Variants in SPICE1 observed in about 807,000 individuals in gnomAD.
SPICE1 encodes spindle and centriole associated protein 1.
A neutral mutation model predicts 102.7 loss-of-function variants in SPICE1; 75 were observed. The observed-to-expected ratio is 0.73, with a 90% CI of 0.61 to 0.88. The LOEUF is 0.88. Among genes scored for constraint, SPICE1 ranks in the 40% least tolerant of loss-of-function variants. The pLI is 0.00. For synonymous variants in SPICE1, 308 were observed against 350.3 expected (o/e 0.88, Z 1.35); for missense variants, 979 against 1,020.1 (o/e 0.96, Z 0.55).
At chr3:113,467,951 T>C (rs971159262) in intron 10 of SPICE1, among the ~76,000 whole-genome samples, 188 bp downstream of exon 10, 1 of 152,250 alleles carries the variant, frequency 6.6e-6, no homozygotes, top group Non-Finnish European at 1.5e-5. Context: ...TATCTGAGCA[T>C]GTATCAACTA....
rs751066283 is a variant in SPICE1 at position 113,488,958 on chromosome 3, T to C, written c.598A>G (p.Thr200Ala). ...ATATACACATACCTGTCTGTATTCG[T>C]GTTAGACTGAGAGTTTAGAGAGTTA... ...LDNSLNSQSN[T>A]NTDRFLQQLT... Residue 200 changes from threonine (T) to alanine (A), a missense_variant, in exon 7 of 18, where the codon ACG (threonine) becomes GCG (alanine). By Grantham distance (58) the Thr-to-Ala change is moderately conservative (BLOSUM62 0). Transcript: ENST00000295872. 6.2e-7 allele frequency: 1 copy of C among 1,607,326 alleles called. No homozygotes were observed. Among genetic ancestry groups the C allele is most frequent in the South Asian group, 1.1e-5 (1 of 90,952 alleles).
intron 3 of SPICE1, among the ~76,000 whole-genome samples, chr3:113,500,313 A>T (rs7623919): frequency 6.6e-6 from 1 of 152,014 alleles, no homozygotes; most frequent in Non-Finnish European, 1.5e-5. Flanking sequence ...AAAATGTACT[A>T]CTGAGTTTTC....
At chr3:113,481,011 GGA>G (rs1936486804) in intron 7 of SPICE1, among the ~76,000 whole-genome samples, 1 of 146,604 alleles carries the variant, frequency 6.8e-6, no homozygotes, top group Non-Finnish European at 1.5e-5. Context: ...AACAAGGCAA[GGA>G]TCCCCACTAT....
rs1438486794 is a variant in SPICE1, at chr3:113,477,015, A to T, written c.612-7777T>A. 2.0e-5 allele frequency among the ~76,000 whole-genome samples: 3 copies of T among 152,290 alleles called. No individual in the cohort carries two copies. The East Asian group carries it at 5.8e-4, about 29-fold the overall frequency. On this transcript the variant is annotated intron_variant, in intron 7 of 17. Coordinates refer to ENST00000295872, the MANE Select transcript of SPICE1 (RefSeq NM_144718.4). The stretch of plus-strand genomic sequence containing the variant: ...AACAGGCAACCTACAAAATGGGAGA[A>T]AATTTTCGCAACCTACTCATCTGAC...
At chr3:113,507,176 T>A (rs186586765) in intron 1 of SPICE1, among the ~76,000 whole-genome samples, 1 of 152,308 alleles carries the variant, frequency 6.6e-6, no homozygotes, top group Admixed American at 6.5e-5. Flanking sequence ...TTTTTTCTAT[T>A]GCTGATAAAC....
At chr3:113,476,887 T>C (rs1342205494) in intron 7 of SPICE1, among the ~76,000 whole-genome samples, 1 of 152,098 alleles carries the variant, frequency 6.6e-6, no homozygotes, top group Non-Finnish European at 1.5e-5. Flanking sequence ...AAGGACTTCA[T>C]GTCTAAAACA....
chr3:113,514,281 C>T (rs1937280677), intron 1 of SPICE1: 2 of 204,454 alleles, frequency 9.8e-6, no homozygotes, highest in Non-Finnish European at 2.0e-5. Flanking sequence ...ATAGTTATGA[C>T]TGGACTTAGT....
chr3:113,496,342 A>G (rs1161030846), intron 4 of SPICE1, among the ~76,000 whole-genome samples: 1 of 152,124 alleles, frequency 6.6e-6, no homozygotes, highest in Non-Finnish European at 1.5e-5. Flanking sequence ...ATTACTCCTC[A>G]AATGAGTTTG....
chr3:113,458,981 G>A (rs1473396642), intron 12 of SPICE1, among the ~76,000 whole-genome samples: 1 of 152,130 alleles, frequency 6.6e-6, no homozygotes, highest in African/African-American at 2.4e-5. Flanking sequence ...TAGAAAAGGG[G>A]GAAATGTGGG....
chr3:113,461,101 A>G lies in SPICE1; in HGVS notation c.1288-337T>C, dbSNP rs16861019. Reference sequence around the variant, plus strand: ...CAAAACCTCTTCATATAGATGTTTCAACTAACTCTTAAACTACCCCCAAGA... The same window carrying G: ...CAAAACCTCTTCATATAGATGTTTCGACTAACTCTTAAACTACCCCCAAGA... On this transcript the variant is annotated intron_variant, in intron 11 of 17. Transcript: ENST00000295872. Among the ~76,000 whole-genome samples, 730 of 152,194 alleles carry G rather than the reference A, an allele frequency of 4.8e-3. 5 individuals are homozygous for G. The highest frequency in any genetic ancestry group is 0.017 in the African/African-American group (686 of 41,538).
At chr3:113,503,733 G>T (rs532840489) in intron 2 of SPICE1, among the ~76,000 whole-genome samples, 1 of 152,004 alleles carries the variant, frequency 6.6e-6, no homozygotes, top group African/African-American at 2.4e-5. Flanking sequence ...AGGAGTTCGA[G>T]AACAGCCAGG....
chr3:113,507,469 A>G (rs572063999), intron 1 of SPICE1, among the ~76,000 whole-genome samples: 6 of 152,184 alleles, frequency 3.9e-5, no homozygotes, highest in African/African-American at 4.8e-5. Context: ...GGACTCTAGT[A>G]TTTTCCTTAA....
intron 6 of SPICE1, among the ~76,000 whole-genome samples, chr3:113,491,057 G>A (rs1029329885): frequency 2.0e-5 from 3 of 152,068 alleles, no homozygotes; most frequent in African/African-American, 4.8e-5. Context: ...AAATCCTTCA[G>A]TGACTCTACT....
chr3:113,458,927 G>T (rs2107453333), intron 12 of SPICE1, among the ~76,000 whole-genome samples: 1 of 152,298 alleles, frequency 6.6e-6, no homozygotes, highest in African/African-American at 2.4e-5. Flanking sequence ...GTACCCAACA[G>T]CTCATTGAGA....
chr3:113,459,972 T>C (rs1326210421), intron 12 of SPICE1: 2 of 985,180 alleles, frequency 2.0e-6, no homozygotes, highest in East Asian at 2.3e-4. Flanking sequence ...AGTTAAATTT[T>C]GGTCAGCCAC....
intron 11 of SPICE1, among the ~76,000 whole-genome samples, chr3:113,464,977 G>A (rs1936018334): frequency 6.6e-6 from 1 of 151,990 alleles, no homozygotes. Context: ...ATGGTGGTGT[G>A]CACCTGTAGT....
At position 113,494,056 on chromosome 3, in the gene SPICE1, C is replaced by T. The variant is rs772493233; in HGVS notation, c.378G>A (p.Arg126=). 18 of 1,608,752 alleles carry T rather than the reference C, an allele frequency of 1.1e-5. No homozygotes were observed. The highest frequency in any genetic ancestry group is 3.3e-4 in the Middle Eastern group (2 of 6,080). ...TTTGTTTGAATTGAATACCTGTGCG[C>T]CTACGAGGAAACAGCTCTTTTGCTG... ...IAAAKELFPR[R]RTGFPNVTVA... The change falls in exon 5 of 18, where the codon AGG becomes AGA. Residue 126 remains arginine (R), a synonymous_variant. Coordinates refer to ENST00000295872, the MANE Select transcript of SPICE1 (RefSeq NM_144718.4).
chr3:113,446,629 G>C lies in SPICE1; in HGVS notation c.2474C>G (p.Ser825Ter), dbSNP rs773634028. Residue 825 changes from serine (S) to a stop codon, truncating the protein, a stop_gained, in exon 17 of 18, where the codon TCA (serine) becomes TGA (stop). Transcript: ENST00000295872. LOFTEE classifies it high-confidence loss of function. ...GNSCSPLNAT[S>*]GSGRFTPLNP... ...AAGAGGTGTGAATCTCCCACTTCCT[G>C]AGGTGGCATTTAGTGGAGAACAAGA... 7 of 1,613,696 alleles carry C rather than the reference G, an allele frequency of 4.3e-6. No individual in the cohort carries two copies. The highest frequency in any genetic ancestry group is 1.6e-4 in the Middle Eastern group (1 of 6,082).
At chr3:113,514,654 T>G (rs1313669907) in intron 1 of SPICE1, 2 of 669,092 alleles carry the variant, frequency 3.0e-6, no homozygotes, top group Non-Finnish European at 4.7e-6. Flanking sequence ...TCCTCAAAAC[T>G]CACAGGAGGA....
Sources: gnomAD v4.1 joint callset for allele counts (sites outside exome capture counted in the v4.1 genomes callset) on GRCh38, gnomAD v4.1.1 for gene constraint, MANE v1.5 for transcripts, NCBI Gene and HGNC (gene_info 2026-07-23, HGNC 2026-07-21) for gene names.